ZNF385D: variants seen among roughly 807,000 people sequenced by gnomAD.
The protein encoded by ZNF385D is zinc finger protein 385D.
In ZNF385D, 15 loss-of-function variants were observed where a neutral mutation model predicts 35.8. The ratio of observed to expected loss-of-function variants is 0.42; its 90% CI spans 0.28 to 0.64. The LOEUF is 0.64. Ranked by LOEUF, ZNF385D falls within the 30% of genes least tolerant of loss-of-function variation. ZNF385D has a pLI of 0.23. For synonymous variants in ZNF385D, 212 were observed against 186.8 expected (o/e 1.13, Z -1.10); for missense variants, 474 against 494.6 (o/e 0.96, Z 0.39).
intron 6 of ZNF385D, 53 bp from the exon 7 acceptor site, chr3:21,424,117 T>C: frequency 6.8e-7 from 1 of 1,471,364 alleles, no homozygotes; most frequent in Non-Finnish European, 9.2e-7. Context: ...TGCAAAAACC[T>C]CTCACAAATA....
chr3:21,604,360 G>C (rs1270266546), intron 2 of ZNF385D, among the ~76,000 whole-genome samples: 1 of 152,278 alleles, frequency 6.6e-6, no homozygotes, highest in East Asian at 1.9e-4. Flanking sequence ...GCTTTGTTTG[G>C]ATTAACAAGG....
At chr3:22,370,246 ACT>A (rs1368869806) in intron 2 of ZNF385D, among the ~76,000 whole-genome samples, 1 of 152,160 alleles carries the variant, frequency 6.6e-6, no homozygotes, top group Non-Finnish European at 1.5e-5. Flanking sequence ...CCTCAGGATA[ACT>A]CTATAGTCAC....
At chr3:21,525,393 T>C (rs1708159972) in intron 3 of ZNF385D, among the ~76,000 whole-genome samples, 1 of 152,046 alleles carries the variant, frequency 6.6e-6, no homozygotes, top group Non-Finnish European at 1.5e-5. Flanking sequence ...AAGTAAGAAT[T>C]ATTAAAATTT....
At chr3:22,342,937 A>G (rs960774007) in intron 2 of ZNF385D, among the ~76,000 whole-genome samples, 4 of 152,226 alleles carry the variant, frequency 2.6e-5, no homozygotes, top group African/African-American at 9.6e-5. Flanking sequence ...AGCTTCAGGT[A>G]GCTATTGAGC....
rs543138588 is a variant in ZNF385D at position 21,932,166 on chromosome 3, C to CAAAAAAAAAAAAA, written c.325+236638_325+236650dup. On this transcript the variant is annotated intron_variant, in intron 3 of 5. Coordinates refer to the ZNF385D transcript ENST00000494108. ...TGGGCGAAAGAGCAAGACTCATTCT[C>CAAAAAAAAAAAAA]AAAAAAAAAAAAAAAAAAAAAAAAA... Among the ~76,000 whole-genome samples, 90 of 55,340 alleles carry CAAAAAAAAAAAAA rather than the reference C, an allele frequency of 1.6e-3. 3 individuals are homozygous for CAAAAAAAAAAAAA. The highest frequency in any genetic ancestry group is 2.0e-3 in the Non-Finnish European group (66 of 32,408). The allele number at this position is 55,340 out of a possible 152,430, so 36.3% of individuals were successfully genotyped here.
rs1295939908 is a variant in ZNF385D, at chr3:21,780,690, A to G, written c.326-115662T>C. ...AATTGTATTTTACATTAGACTAATGACATTCTAATAGGGTAACCCACAGAA... is the reference window on the plus strand; with the variant it reads ...AATTGTATTTTACATTAGACTAATGGCATTCTAATAGGGTAACCCACAGAA... On this transcript the variant is annotated intron_variant, in intron 3 of 5. Transcript: ENST00000494108. Among the ~76,000 whole-genome samples the G allele has an allele frequency of 2.0e-5, 3 of 152,158 alleles. No homozygotes were observed. The East Asian group carries it at 5.8e-4, about 29-fold the overall frequency.
chr3:22,003,551 T>G (rs1417092814), intron 3 of ZNF385D, among the ~76,000 whole-genome samples: 3 of 152,058 alleles, frequency 2.0e-5, no homozygotes, highest in Non-Finnish European at 2.9e-5. Context: ...ATCAATAATG[T>G]TTTTTACAGA....
chr3:22,297,800 A>G (rs1158264703), intron 2 of ZNF385D, among the ~76,000 whole-genome samples: 1 of 152,150 alleles, frequency 6.6e-6, no homozygotes, highest in Admixed American at 6.6e-5. Context: ...AAATGAATGG[A>G]CATGACTATC....
At chr3:22,093,229 T>A (rs896242999) in intron 3 of ZNF385D, among the ~76,000 whole-genome samples, 4 of 152,118 alleles carry the variant, frequency 2.6e-5, no homozygotes, top group Non-Finnish European at 5.9e-5. Flanking sequence ...ACTATTTTTA[T>A]AGAAATAAAA....
intron 3 of ZNF385D, among the ~76,000 whole-genome samples, chr3:21,939,855 G>A (rs1701431444): frequency 1.3e-5 from 2 of 152,140 alleles, no homozygotes; most frequent in Non-Finnish European, 2.9e-5. Context: ...ATCTATATAA[G>A]TAAAGCACAG....
intron 3 of ZNF385D, among the ~76,000 whole-genome samples, chr3:21,908,719 C>T (rs1575888216): frequency 1.3e-5 from 2 of 152,082 alleles, no homozygotes; most frequent in Admixed American, 1.3e-4. Context: ...GCAAAGTTCT[C>T]AACTCCATCT....
chr3:21,616,949 AT>A (rs1219734666), intron 2 of ZNF385D, among the ~76,000 whole-genome samples: 2 of 152,156 alleles, frequency 1.3e-5, no homozygotes, highest in African/African-American at 4.8e-5. Context: ...TTCCCTGATT[AT>A]TTTTTGAAAG....
At chr3:22,308,796 A>G (rs998580846) in intron 2 of ZNF385D, among the ~76,000 whole-genome samples, 1 of 152,138 alleles carries the variant, frequency 6.6e-6, no homozygotes, top group African/African-American at 2.4e-5. Flanking sequence ...TAACATTATC[A>G]TTCAGAATAT....
At chr3:22,178,343 A>T (rs573438047) in intron 2 of ZNF385D, among the ~76,000 whole-genome samples, 2 of 152,154 alleles carry the variant, frequency 1.3e-5, no homozygotes, top group Admixed American at 1.3e-4. Context: ...CAGTGATGAT[A>T]AGCATTTTTT....
chr3:22,026,434 G>C (rs888213667), intron 3 of ZNF385D, among the ~76,000 whole-genome samples: 3 of 152,196 alleles, frequency 2.0e-5, no homozygotes, highest in Non-Finnish European at 4.4e-5. Context: ...AGACATTTCA[G>C]GGACTACTGG....
At chr3:21,753,220 G>T (rs76035330), upstream of ZNF385D, among the ~76,000 whole-genome samples, 16,719 of 152,202 alleles carry the variant, frequency 0.11, 1,336 homozygotes, top group East Asian at 0.41. Flanking sequence ...GAGATGTTAA[G>T]CAACTTTCTT....
chr3:21,884,056 T>G (rs1698413540), intron 3 of ZNF385D, among the ~76,000 whole-genome samples: 1 of 151,982 alleles, frequency 6.6e-6, no homozygotes, highest in African/African-American at 2.4e-5. Context: ...ACACACAATA[T>G]AAATGCGGAT....
chr3:22,116,531 AAG>A (rs1236356331), intron 3 of ZNF385D, among the ~76,000 whole-genome samples: 1 of 152,108 alleles, frequency 6.6e-6, no homozygotes, highest in Non-Finnish European at 1.5e-5. Flanking sequence ...AAACAGAAAA[AAG>A]AGAAAATGTA....
intron 3 of ZNF385D, among the ~76,000 whole-genome samples, chr3:21,770,703 T>C (rs1457457570): frequency 5.9e-5 from 9 of 152,118 alleles, no homozygotes; most frequent in Non-Finnish European, 4.4e-5. Flanking sequence ...GATCTAGAAC[T>C]AGAAATACCA....
Sources: allele counts gnomAD v4.1 joint callset (sites outside exome capture counted in the v4.1 genomes callset), GRCh38; gene constraint gnomAD v4.1.1; transcripts MANE v1.5; gene names NCBI Gene and HGNC (gene_info 2026-07-23, HGNC 2026-07-21).